Variants in PRIM2 observed in about 807,000 individuals in gnomAD.
PRIM2 encodes the protein DNA primase subunit 2.
A neutral mutation model predicts 67.3 loss-of-function variants in PRIM2; 39 were observed. The ratio of observed to expected loss-of-function variants is 0.58; its 90% CI spans 0.45 to 0.76. The LOEUF is 0.76. PRIM2 is among the 30% of genes least tolerant of loss of function. PRIM2 has a pLI of 0.00. For synonymous variants in PRIM2, 143 were observed against 198.7 expected (o/e 0.72, Z 2.36); for missense variants, 398 against 598.7 (o/e 0.66, Z 3.50).
At chr6:57,453,603 A>G (rs1351846117) in intron 7 of PRIM2, among the ~76,000 whole-genome samples, 1 of 152,196 alleles carries the variant, frequency 6.6e-6, no homozygotes, top group Non-Finnish European at 1.5e-5. Flanking sequence ...TTGTTGGTGT[A>G]TAAGAATGCT....
chr6:57,603,816 A>G (rs1177346907), intron 11 of PRIM2, among the ~76,000 whole-genome samples: 2 of 151,898 alleles, frequency 1.3e-5, no homozygotes, highest in African/African-American at 4.8e-5. Flanking sequence ...ATCCATGAGC[A>G]TGGAATGTTT....
At chr6:57,441,516 G>C (rs1581907981) in intron 7 of PRIM2, among the ~76,000 whole-genome samples, 1 of 152,248 alleles carries the variant, frequency 6.6e-6, no homozygotes, top group East Asian at 1.9e-4. Flanking sequence ...TTAAGGAACA[G>C]TGGTCACATA....
At chr6:57,376,428 G>T (rs565580180) in intron 5 of PRIM2, among the ~76,000 whole-genome samples, 1 of 152,024 alleles carries the variant, frequency 6.6e-6, no homozygotes, top group Non-Finnish European at 1.5e-5. Context: ...ACATTTTTTG[G>T]CTCTTTGAGT....
intron 8 of PRIM2, among the ~76,000 whole-genome samples, chr6:57,508,877 T>G (rs1199529795): frequency 2.0e-5 from 3 of 152,232 alleles, no homozygotes; most frequent in Non-Finnish European, 4.4e-5. Flanking sequence ...TTGTTGTATT[T>G]GTTACATACT....
chr6:57,300,945 G>A, the PRIM2 span, among the ~76,000 whole-genome samples: 1 of 152,184 alleles, frequency 6.6e-6, no homozygotes. Context: ...GGAGAAATAG[G>A]TAACTGATTT....
At chr6:57,423,443 CA>C (rs1181814253) in intron 7 of PRIM2, among the ~76,000 whole-genome samples, 2 of 152,102 alleles carry the variant, frequency 1.3e-5, no homozygotes, top group Non-Finnish European at 2.9e-5. Context: ...TAAGACAACA[CA>C]AACTTTACAT....
At chr6:57,446,415 C>CTTTTTTTTTTTTTTT (rs1581912466) in intron 7 of PRIM2, among the ~76,000 whole-genome samples, 4 of 43,292 alleles carry the variant, frequency 9.2e-5, no homozygotes, top group African/African-American at 5.2e-4. Flanking sequence ...GCACACGCCA[C>CTTTTTTTTTTTTTTT]TTCTTTTTTT....
Position 57,379,479 on chromosome 6 carries a change from T to C in PRIM2, c.460-422T>C, listed in dbSNP as rs562940613. Among the ~76,000 whole-genome samples the C allele has an allele frequency of 3.7e-3, 568 of 152,282 alleles. 7 individuals carry two copies. The highest frequency in any genetic ancestry group is 0.013 in the African/African-American group (545 of 41,566). Reference sequence around the variant, plus strand: ...GTGTTTTAAGTTTGGAATTGTCTTATGTGGCTAGAAAATTGAGAAATAGTC... The same window carrying C: ...GTGTTTTAAGTTTGGAATTGTCTTACGTGGCTAGAAAATTGAGAAATAGTC... On this transcript the variant is annotated intron_variant, in intron 5 of 13. Coordinates refer to ENST00000615550, the MANE Select transcript of PRIM2 (RefSeq NM_000947.5).
intron 10 of PRIM2, among the ~76,000 whole-genome samples, chr6:57,540,011 G>A (rs1320347315): frequency 6.6e-6 from 1 of 151,408 alleles, no homozygotes; most frequent in African/African-American, 2.4e-5. Context: ...AAAAAAAAAG[G>A]AAACTACACA....
chr6:57,642,293 G>T (rs1470535975), intron 13 of PRIM2, among the ~76,000 whole-genome samples: 2 of 151,982 alleles, frequency 1.3e-5, no homozygotes, highest in East Asian at 3.9e-4. Context: ...AGGTTGGTGG[G>T]CGCAGCAAAC....
At chr6:57,388,053 TAGCTAG>T (rs988778659) in intron 7 of PRIM2, among the ~76,000 whole-genome samples, 3 of 152,106 alleles carry the variant, frequency 2.0e-5, no homozygotes, top group Non-Finnish European at 4.4e-5. Flanking sequence ...AAGGCCAGTG[TAGCTAG>T]AGCATAGTGA....
intron 7 of PRIM2, among the ~76,000 whole-genome samples, chr6:57,468,919 T>G (rs1773271384): frequency 6.6e-6 from 1 of 152,228 alleles, no homozygotes; most frequent in Non-Finnish European, 1.5e-5. Context: ...CTCTCTAGTT[T>G]ATTTCAGGTT....
the PRIM2 span, among the ~76,000 whole-genome samples, chr6:57,285,637 C>G: frequency 6.6e-6 from 1 of 152,138 alleles, no homozygotes; most frequent in Non-Finnish European, 1.5e-5. Flanking sequence ...ATAATAAGAG[C>G]TATATATGAC....
intron 12 of PRIM2, among the ~76,000 whole-genome samples, chr6:57,616,642 CT>C (rs1194075807): frequency 6.6e-6 from 1 of 151,536 alleles, no homozygotes; most frequent in African/African-American, 2.4e-5. Context: ...GATCTGATTG[CT>C]TTTTTTATTG....
At chr6:57,458,453 G>A (rs1772883094) in intron 7 of PRIM2, among the ~76,000 whole-genome samples, 1 of 152,184 alleles carries the variant, frequency 6.6e-6, no homozygotes. Flanking sequence ...GGAGGCCAAG[G>A]TGGGCAGATC....
chr6:57,451,657 T>C (rs1772554758), intron 7 of PRIM2, among the ~76,000 whole-genome samples: 1 of 152,166 alleles, frequency 6.6e-6, no homozygotes. Context: ...AAGGCAGTGC[T>C]AGAGTATGAA....
Position 57,421,293 on chromosome 6 carries a change from G to C in PRIM2, c.693+39125G>C, listed in dbSNP as rs528506916. Among the ~76,000 whole-genome samples the C allele has an allele frequency of 2.3e-4, 35 of 152,276 alleles. 1 individual carries two copies. The South Asian group carries it at 7.2e-3, about 32-fold the overall frequency. On this transcript the variant is annotated intron_variant, in intron 7 of 13. Transcript: ENST00000615550. Reference sequence around the variant, plus strand: ...TCAAAAATTTTATTAGACATATTTAGAGCCCAAATCACAAAATAAAGTTTG... The same window carrying C: ...TCAAAAATTTTATTAGACATATTTACAGCCCAAATCACAAAATAAAGTTTG...
chr6:57,483,005 G>A (rs1445274395), intron 7 of PRIM2, among the ~76,000 whole-genome samples: 2 of 152,052 alleles, frequency 1.3e-5, no homozygotes, highest in African/African-American at 2.4e-5. Context: ...CGCCTCCTGG[G>A]TTCAATCTAT....
At chr6:57,492,521 C>T (rs1554346064) in intron 7 of PRIM2, among the ~76,000 whole-genome samples, 1 of 148,496 alleles carries the variant, frequency 6.7e-6, no homozygotes, top group Non-Finnish European at 1.5e-5. Context: ...CCAGCCTGGG[C>T]GACAGAGGGA....
Sources: gnomAD v4.1 joint callset for allele counts (sites outside exome capture counted in the v4.1 genomes callset) on GRCh38, gnomAD v4.1.1 for gene constraint, MANE v1.5 for transcripts, NCBI Gene and HGNC (gene_info 2026-07-23, HGNC 2026-07-21) for gene names.